The following TECPR1 variants were observed in gnomAD, a reference collection of about 807,000 sequenced individuals.
TECPR1 encodes tectonin beta-propeller repeat containing 1.
A neutral mutation model predicts 162.4 loss-of-function variants in TECPR1; 122 were observed. The ratio of observed to expected loss-of-function variants is 0.75; its 90% confidence interval spans 0.65 to 0.87. The LOEUF is 0.87. Among genes scored for constraint, TECPR1 ranks in the 40% least tolerant of loss-of-function variants. The pLI, the probability that TECPR1 is intolerant of heterozygous loss-of-function variation, is 0.00. For synonymous variants in TECPR1, 642 were observed against 670.6 expected (o/e 0.96, Z 0.66); for missense variants, 1,432 against 1,618.2 (o/e 0.88, Z 1.97).
intron 19 of TECPR1, among the ~76,000 whole-genome samples, chr7:98,224,283 C>T (rs974581411): frequency 6.6e-6 from 1 of 152,204 alleles, no homozygotes; most frequent in African/African-American, 2.4e-5. Context: ...CTGCCCACGC[C>T]GTGCACCTGC....
At position 98,233,817 on chromosome 7, in the gene TECPR1, C is replaced by T. The variant is rs1473231569; in HGVS notation, c.1276G>A (p.Gly426Ser). ...AGAGGTTCTGCAGGGAGAATCTGGC[C>T]AGGCCCTGGTCTCTCGACTTCCGAG... is the stretch of plus-strand genomic sequence containing the variant. ...ASSEVERPGPGQILPAEPLDD... is the reference protein window; with the variant it reads ...ASSEVERPGPSQILPAEPLDD... Residue 426 changes from glycine (G) to serine (S), a missense_variant, in exon 11 of 26, where the codon GGC (glycine) becomes AGC (serine). Gly to Ser is a moderately conservative substitution (Grantham distance 56, BLOSUM62 0). Coordinates refer to ENST00000447648, the MANE Select transcript of TECPR1 (RefSeq NM_015395.3). The T allele has an allele frequency of 6.2e-7, 1 of 1,604,040 alleles. No individual in the cohort carries two copies. Among genetic ancestry groups the T allele is most frequent in the South Asian group, 1.1e-5 (1 of 89,598 alleles).
chr7:98,228,408 T>G, intron 16 of TECPR1: 1 of 388,542 alleles, frequency 2.6e-6, no homozygotes, highest in South Asian at 2.6e-5. Context: ...CTTGCCCTCC[T>G]ACTTAGCACC....
At chr7:98,228,789 T>C (rs968190134) in intron 16 of TECPR1, 2 of 450,012 alleles carry the variant, frequency 4.4e-6, no homozygotes, top group African/African-American at 3.9e-5. Flanking sequence ...ACCCTGAAAA[T>C]GAGAGGCTGG....
At position 98,237,118 on chromosome 7, in the gene TECPR1, C is replaced by T. The variant is rs534947303; in HGVS notation, c.1036-197G>A. ...CTCAGGAGAAGCTGCGACCTGGTCC[C>T]GTCTCCCTGACCTCAGGCAGACCCA... On this transcript the variant is annotated intron_variant, in intron 9 of 25. Coordinates refer to ENST00000447648, the MANE Select transcript of TECPR1 (RefSeq NM_015395.3). Among the ~76,000 whole-genome samples, 79 of 152,034 alleles carry T rather than the reference C, an allele frequency of 5.2e-4. 1 individual carries two copies. Among genetic ancestry groups the T allele is most frequent in the African/African-American group, 1.7e-3 (72 of 41,490 alleles).
At position 98,245,023 on chromosome 7, in the gene TECPR1, A is replaced by G; in HGVS notation, c.270T>C (p.Ser90=). Reference sequence around the variant, plus strand: ...TCACGTCACTCCACCCCCAGCGGTCACTCAGCAGGAGCTTCTCACAGAAGC... The same window carrying G: ...TCACGTCACTCCACCCCCAGCGGTCGCTCAGCAGGAGCTTCTCACAGAAGC... ...MGGFCEKLLL[S]DRWGWSDVSG... Residue 90 remains serine, a synonymous_variant, in exon 4 of 26, where the codon AGT becomes AGC. Transcript: ENST00000447648. 6.2e-7 allele frequency: 1 copy of G among 1,605,198 alleles called. No homozygotes were observed. The highest frequency in any genetic ancestry group is 8.5e-7 in the Non-Finnish European group (1 of 1,176,556).
intron 16 of TECPR1, 199 bp downstream of exon 16, chr7:98,228,840 C>T (rs917799456): frequency 3.5e-5 from 23 of 661,982 alleles, no homozygotes; most frequent in African/African-American, 2.2e-4. Flanking sequence ...CTGGAACCTT[C>T]GAGGCCCTCA....
chr7:98,242,798 CCCAT>C (rs1236788372), intron 6 of TECPR1, among the ~76,000 whole-genome samples: 4 of 14,362 alleles, frequency 2.8e-4, no homozygotes, highest in East Asian at 4.2e-3. Flanking sequence ...CATCCATCCA[CCCAT>C]CCATCCATCC....
At chr7:98,229,687 G>T (rs936941765) in intron 15 of TECPR1, among the ~76,000 whole-genome samples, 2 of 152,170 alleles carry the variant, frequency 1.3e-5, no homozygotes, top group African/African-American at 4.8e-5. Context: ...TGCAGGCTGC[G>T]GCTGGTGCAG....
chr7:98,231,829 T>TAG lies in TECPR1; in HGVS notation c.1947_1948dup (p.Tyr650SerfsTer16), dbSNP rs1420237338. 3 of 1,612,534 alleles carry TAG rather than the reference T, an allele frequency of 1.9e-6. No individual in the cohort carries two copies. The highest frequency in any genetic ancestry group is 2.5e-6 in the Non-Finnish European group (3 of 1,179,678). ...CTTCTTCTCCTCGTGGACCACATAG[T>TAG]AGATGAAGAGGATGCTGTCCCGGAC... On this transcript the variant is annotated frameshift_variant, in exon 13 of 26. Coordinates refer to ENST00000447648, the MANE Select transcript of TECPR1 (RefSeq NM_015395.3). LOFTEE classifies it high-confidence loss of function.
At chr7:98,244,330 C>A (rs1798844179) in intron 5 of TECPR1, among the ~76,000 whole-genome samples, 1 of 152,220 alleles carries the variant, frequency 6.6e-6, no homozygotes, top group African/African-American at 2.4e-5. Context: ...GCTTGGACAC[C>A]AGGGTCAGGG....
Position 98,222,501 on chromosome 7 carries a change from A to G in TECPR1, c.2949T>C (p.Val983=). 1 of 1,587,850 alleles carries G rather than the reference A, an allele frequency of 6.3e-7. No individual in the cohort carries two copies. Among genetic ancestry groups the G allele is most frequent in the Admixed American group, 1.8e-5 (1 of 56,178 alleles). Residue 983 remains valine, a synonymous_variant, in exon 22 of 26, where the codon GTT becomes GTC. Coordinates refer to ENST00000447648, the MANE Select transcript of TECPR1 (RefSeq NM_015395.3). ...LNPAGSSWLH[V]GTDQPFASIS... is the part of the protein sequence containing the mutation. ...TGGAGGCGAAGGGCTGGTCGGTGCC[A>G]ACGTGCAGCCAGGAGGAGCCCTGGG... is the stretch of plus-strand genomic sequence containing the variant.
In TECPR1 at chr7:98,217,368, C is replaced by T. The variant is rs1328785897; in HGVS notation, c.*22G>A. ...TCCCCCAAACTGGGCACCGTCCCTG[C>T]ATGTAGGTGTGTGGGGGGGCCTCAG... On this transcript the variant is annotated 3_prime_UTR_variant, in exon 26 of 26. Coordinates refer to ENST00000447648, the MANE Select transcript of TECPR1 (RefSeq NM_015395.3). 2 of 1,433,738 alleles carry T rather than the reference C, an allele frequency of 1.4e-6. No individual in the cohort carries two copies. The highest frequency in any genetic ancestry group is 4.6e-5 in the East Asian group (2 of 43,546). 88.8% of individuals were successfully genotyped at this position (1,433,738 alleles called of 1,614,324 possible). A position where few individuals can be genotyped will look rare whatever the true frequency, so the allele number is the denominator to read the frequency against.
chr7:98,231,437 C>A, intron 13 of TECPR1, 64 bp from the exon 14 acceptor site: 1 of 1,504,522 alleles, frequency 6.6e-7, no homozygotes, highest in Non-Finnish European at 9.0e-7. Context: ...GGAGGGTGAC[C>A]CCCACTGTGC....
Position 98,236,799 on chromosome 7 carries a change from A to T in TECPR1, c.1158T>A (p.Ser386=). ...ACCTGAGGAGACTAGACGAGCTGCC[A>T]GAGTGTGACCGGTCACACTCTCGGG... ...IAARECDRSH[S]GSSSSLLSAG... The change falls in exon 10 of 26, where the codon TCT becomes TCA. Residue 386 remains serine, a synonymous_variant. Transcript: ENST00000447648. 1 of 1,592,274 alleles carries T rather than the reference A, an allele frequency of 6.3e-7. No individual in the cohort carries two copies. Among genetic ancestry groups the T allele is most frequent in the South Asian group, 1.1e-5 (1 of 87,432 alleles).
intron 3 of TECPR1, 101 bp downstream of exon 3, chr7:98,245,821 T>A: frequency 1.9e-6 from 2 of 1,068,554 alleles, no homozygotes; most frequent in Admixed American, 4.5e-5. Flanking sequence ...CAGGAACTGG[T>A]GGGGAATCTG....
chr7:98,229,510 G>A (rs1223523521), intron 15 of TECPR1, among the ~76,000 whole-genome samples: 1 of 152,160 alleles, frequency 6.6e-6, no homozygotes, highest in East Asian at 1.9e-4. Context: ...TCTGGGACCT[G>A]GGGAAATGGG....
chr7:98,215,852 A>G lies in TECPR1; in HGVS notation c.*1538T>C, dbSNP rs1038006111. ...GGCACTGGGACCCATTTCCAGAAACACTGGAACACCAGGTCTCTCAGATGC... is the reference window on the plus strand; with the variant it reads ...GGCACTGGGACCCATTTCCAGAAACGCTGGAACACCAGGTCTCTCAGATGC... On this transcript the variant is annotated 3_prime_UTR_variant, in exon 26 of 26. Coordinates refer to ENST00000447648, the MANE Select transcript of TECPR1 (RefSeq NM_015395.3). 3.9e-5 allele frequency: 6 copies of G among 152,172 alleles called. No individual in the cohort carries two copies. Among genetic ancestry groups the G allele is most frequent in the African/African-American group, 1.4e-4 (6 of 41,424 alleles). 9.4% of individuals were successfully genotyped at this position (152,172 alleles called of 1,614,324 possible).
rs902045461 is a variant in TECPR1, at chr7:98,217,827, C to T, written c.3265-16G>A. ...TCACCCAGACCTGGAGCACAGACCC[C>T]ATGAAGCCCTCAGCCCTACCTGCAG... On this transcript the variant is annotated splice_polypyrimidine_tract_variant and intron_variant, in intron 24 of 25. Coordinates refer to ENST00000447648, the MANE Select transcript of TECPR1 (RefSeq NM_015395.3). 2.6e-6 allele frequency: 4 copies of T among 1,547,214 alleles called. No homozygotes were observed. Among genetic ancestry groups the T allele is most frequent in the African/African-American group, 2.7e-5 (2 of 73,004 alleles).
In TECPR1 at chr7:98,229,078, A is replaced by C; in HGVS notation, c.2371T>G (p.Trp791Gly). 6.3e-7 allele frequency: 1 copy of C among 1,592,734 alleles called. No individual in the cohort carries two copies. Among genetic ancestry groups the C allele is most frequent in the Non-Finnish European group, 8.5e-7 (1 of 1,170,450 alleles). ...VWGIGYDHTA[W>G]VYTGGYGGGC... is the part of the protein sequence containing the mutation. Reference sequence around the variant, plus strand: ...CCTCCATAGCCGCCTGTGTATACCCAGGCCGTGTGGTCATAGCCGATGCCC... The same window carrying C: ...CCTCCATAGCCGCCTGTGTATACCCCGGCCGTGTGGTCATAGCCGATGCCC... Residue 791 changes from tryptophan (W) to glycine (G), a missense_variant, in exon 16 of 26, where the codon TGG becomes GGG. Trp to Gly is a radical substitution (Grantham distance 184). Coordinates refer to ENST00000447648, the MANE Select transcript of TECPR1 (RefSeq NM_015395.3).
Sources: allele counts gnomAD v4.1 joint callset (sites outside exome capture counted in the v4.1 genomes callset), GRCh38; gene constraint gnomAD v4.1.1; transcripts MANE v1.5; gene names NCBI Gene and HGNC (gene_info 2026-07-23, HGNC 2026-07-21).